CDC42BPB: variants seen among roughly 807,000 people sequenced by gnomAD.
CDC42BPB encodes serine/threonine-protein kinase MRCK beta.
In CDC42BPB, 37 loss-of-function variants were observed where a neutral mutation model predicts 214.9. The ratio of observed to expected loss-of-function variants is 0.17; its 90% CI spans 0.13 to 0.23. The LOEUF is 0.23. CDC42BPB is among the 10% of genes least tolerant of loss of function. CDC42BPB has a pLI of 1.00. For missense variants in CDC42BPB, 1,694 were observed against 2,227.0 expected (o/e 0.76, Z 4.82); for synonymous variants, 931 against 884.0 (o/e 1.05, Z -0.94).
At chr14:102,970,380 C>A (rs902322308) in intron 13 of CDC42BPB, 119 bp from the exon 14 acceptor site, 2 of 1,421,736 alleles carry the variant, frequency 1.4e-6, no homozygotes, top group Non-Finnish European at 1.8e-6. Flanking sequence ...GCGTGTTCAC[C>A]CTTCATCAAA....
intron 6 of CDC42BPB, among the ~76,000 whole-genome samples, chr14:102,985,231 C>A (rs991504703): frequency 2.9e-5 from 4 of 140,200 alleles, no homozygotes; most frequent in Admixed American, 1.4e-4. Flanking sequence ...CTGGTTAAAC[C>A]ATGACGGGGT....
At chr14:102,986,305 C>A in intron 6 of CDC42BPB, 182 bp downstream of exon 6, 1 of 546,072 alleles carries the variant, frequency 1.8e-6, no homozygotes, top group Non-Finnish European at 3.3e-6. Flanking sequence ...AGATGCTTTC[C>A]AACTTAATTT....
intron 12 of CDC42BPB, 112 bp from the exon 13 acceptor site, chr14:102,972,273 A>G: frequency 6.5e-7 from 1 of 1,537,428 alleles, no homozygotes; most frequent in Non-Finnish European, 8.7e-7. Context: ...AATGCTGGTT[A>G]CAGATTAGAG....
intron 21 of CDC42BPB, among the ~76,000 whole-genome samples, chr14:102,957,236 G>C (rs1012731108): frequency 6.6e-6 from 1 of 151,348 alleles, no homozygotes; most frequent in Admixed American, 6.6e-5. Flanking sequence ...GAGGGATGAG[G>C]GATTAGCAAG....
chr14:102,981,547 G>A (rs996183539), intron 7 of CDC42BPB, among the ~76,000 whole-genome samples: 11 of 152,148 alleles, frequency 7.2e-5, no homozygotes, highest in African/African-American at 2.2e-4. Context: ...TTGGGAGGCC[G>A]AGGTGGGCAG....
intron 1 of CDC42BPB, among the ~76,000 whole-genome samples, chr14:103,022,107 A>G (rs551336745): frequency 1.3e-5 from 2 of 152,248 alleles, no homozygotes; most frequent in South Asian, 2.1e-4. Flanking sequence ...GGGAGGGGCC[A>G]AGGACAGAAC....
At chr14:103,044,366 CTTTTT>C (rs869225876) in intron 1 of CDC42BPB, among the ~76,000 whole-genome samples, 1 of 129,058 alleles carries the variant, frequency 7.7e-6, no homozygotes, top group African/African-American at 3.0e-5. Context: ...CAGCCGGCAC[CTTTTT>C]TTTTTTTTTT....
intron 5 of CDC42BPB, among the ~76,000 whole-genome samples, chr14:102,993,740 T>C (rs1397872396): frequency 6.6e-6 from 1 of 152,152 alleles, no homozygotes; most frequent in East Asian, 1.9e-4. Context: ...ACCAGTTTTA[T>C]GACAAGGAAG....
chr14:102,980,640 TA>T, intron 8 of CDC42BPB, 132 bp downstream of exon 8: 2 of 789,818 alleles, frequency 2.5e-6, no homozygotes, highest in Non-Finnish European at 4.1e-6. Context: ...AAGGCTGGAA[TA>T]AAAAGCACAC....
intron 21 of CDC42BPB, 125 bp downstream of exon 21, chr14:102,959,506 G>T: frequency 1.5e-6 from 1 of 669,730 alleles, no homozygotes; most frequent in Non-Finnish European, 2.6e-6. Flanking sequence ...GCACAACGCT[G>T]AGATAAACAC....
intron 21 of CDC42BPB, chr14:102,954,926 G>A (rs758283672): frequency 1.2e-5 from 5 of 400,542 alleles, no homozygotes; most frequent in East Asian, 1.6e-4. Flanking sequence ...TGGTGATTGC[G>A]TGGGCAGGTG....
chr14:103,043,700 T>G (rs571411175), intron 1 of CDC42BPB, among the ~76,000 whole-genome samples: 1 of 152,104 alleles, frequency 6.6e-6, no homozygotes, highest in East Asian at 1.9e-4. Context: ...GGAAAAAAAT[T>G]ATCTGGTAAT....
chr14:103,050,165 A>C (rs542743519), intron 1 of CDC42BPB, among the ~76,000 whole-genome samples: 1 of 152,364 alleles, frequency 6.6e-6, no homozygotes, highest in South Asian at 2.1e-4. Context: ...AGAGAGTTTG[A>C]GACTGATCTG....
At position 102,944,514 on chromosome 14, in the gene CDC42BPB, G is replaced by A; in HGVS notation, c.3812-27C>T. ...TGTGGCAAGGAGGACAAGAGCGTGA[G>A]GCCGACGGGACAGCCAGCAGCTCCC... On this transcript the variant is annotated intron_variant, in intron 29 of 36. Coordinates refer to ENST00000361246, the MANE Select transcript of CDC42BPB (RefSeq NM_006035.4). This position sits in a 1 kb window ranked among gnomAD's most constrained non-coding sequence, Gnocchi z 6.6. The A allele has an allele frequency of 2.5e-6, 4 of 1,592,352 alleles. No homozygotes were observed. The highest frequency in any genetic ancestry group is 3.4e-6 in the Non-Finnish European group (4 of 1,166,816).
rs539043587 is a variant in CDC42BPB at position 103,029,625 on chromosome 14, C to T, written c.176-17437G>A. ...TAATCCCAGCACTTTGGGAGGCTGA[C>T]ATGGGCGGATCACGAGGTCAAGAGA... On this transcript the variant is annotated intron_variant, in intron 1 of 36. Transcript: ENST00000361246. 1.1e-3 allele frequency among the ~76,000 whole-genome samples: 158 copies of T among 148,956 alleles called. 1 individual carries two copies. The highest frequency in any genetic ancestry group is 7.7e-3 in the South Asian group (36 of 4,654).
At chr14:102,937,707 G>A (rs1362590441) in intron 36 of CDC42BPB, among the ~76,000 whole-genome samples, 5 of 152,256 alleles carry the variant, frequency 3.3e-5, no homozygotes, top group Non-Finnish European at 7.3e-5. Flanking sequence ...GACACCAAGC[G>A]CCATCCCAAG....
chr14:102,963,018 T>A (rs1357342719), intron 20 of CDC42BPB, 43 bp downstream of exon 20: 1 of 903,932 alleles, frequency 1.1e-6, no homozygotes, highest in South Asian at 1.5e-5. Flanking sequence ...ATTTGAAAAA[T>A]ACTTATATTC....
In CDC42BPB at chr14:102,978,215, A is replaced by G. The variant is rs769984861; in HGVS notation, c.1141-10T>C. On this transcript the variant is annotated splice_polypyrimidine_tract_variant and intron_variant, in intron 8 of 36. Transcript: ENST00000361246. ...CAGGAGGTAATATTTCCTGCATAAG[A>G]ACATATACAACACAAATGAAATCTA... The G allele has an allele frequency of 6.2e-7, 1 of 1,608,856 alleles. No individual in the cohort carries two copies. The highest frequency in any genetic ancestry group is 8.5e-7 in the Non-Finnish European group (1 of 1,175,244).
In CDC42BPB at chr14:103,036,311, C is replaced by A. The variant is rs937271601; in HGVS notation, c.175+20688G>T. ...GGGACTACAGGCACCCGCCACCACG[C>A]CCGGCTAATTTTTTTTTGTATTTTT... On this transcript the variant is annotated intron_variant, in intron 1 of 36. Transcript: ENST00000361246. Among the ~76,000 whole-genome samples, 47 of 151,808 alleles carry A rather than the reference C, an allele frequency of 3.1e-4. No individual in the cohort carries two copies. The East Asian group carries it at 6.8e-3, about 22-fold the overall frequency.
Sources: allele counts gnomAD v4.1 joint callset (sites outside exome capture counted in the v4.1 genomes callset), GRCh38; gene constraint gnomAD v4.1.1; non-coding constraint Gnocchi (gnomAD v3.1); transcripts MANE v1.5; gene names NCBI Gene and HGNC (gene_info 2026-07-23, HGNC 2026-07-21).